The following FAHD1 variants were observed in gnomAD, a reference collection of about 807,000 sequenced individuals.
FAHD1 encodes oxaloacetate tautomerase FAHD1, mitochondrial.
A neutral mutation model predicts 12.7 loss-of-function variants in FAHD1; 14 were observed. The ratio of observed to expected loss-of-function variants is 1.10; its 90% CI spans 0.73 to 1.72. The LOEUF (loss-of-function observed/expected upper bound fraction) is 1.72. FAHD1 is among the 40% of genes most tolerant of loss of function. FAHD1 has a pLI of 0.00. For synonymous variants in FAHD1, 153 were observed against 124.9 expected, an observed-to-expected ratio of 1.22 and a Z score of -1.50; for missense variants, 351 against 298.9, an observed-to-expected ratio of 1.17 and a Z score of -1.29.
downstream of FAHD1, among the ~76,000 whole-genome samples, chr16:1,831,493 C>T (rs72762862): frequency 0.13 from 20,192 of 152,162 alleles, 1,773 homozygotes; most frequent in South Asian, 0.2. Flanking sequence ...CTTTCCATAG[C>T]TTCCTCAGGT....
chr16:1,828,130 A>G (rs923430517), exon 1 of FAHD1: 33 of 930,970 alleles, frequency 3.5e-5, no homozygotes, highest in Non-Finnish European at 4.2e-5. Context: ...AAATACAAAA[A>G]ATTAGCCGGG....
At chr16:1,836,239 A>G (rs1567271302) in intron 1 of FAHD1, among the ~76,000 whole-genome samples, 1 of 152,056 alleles carries the variant, frequency 6.6e-6, no homozygotes, top group East Asian at 1.9e-4. Context: ...ATACTGTGTT[A>G]CCTAATGCAC....
exon 1 of FAHD1, chr16:1,827,912 C>G (rs13166): frequency 0.14 from 218,311 of 1,608,596 alleles, 15,306 homozygotes; most frequent in Middle Eastern, 0.14. Flanking sequence ...TGAGTTATTT[C>G]TTAACAAGTT....
In FAHD1 at chr16:1,827,308, T is replaced by A. The variant is rs763615875; in HGVS notation, c.70T>A (p.Tyr24Asn). The A allele has an allele frequency of 2.5e-6, 4 of 1,613,246 alleles. No individual in the cohort carries two copies. In the South Asian group the frequency reaches 4.4e-5, roughly 18 times the overall value. Reference sequence around the variant, plus strand: ...GAACATCGTCTGCGTGGGGAGGAACTACGCGGACCACGTCAGGGAGATGCG... The same window carrying A: ...GAACATCGTCTGCGTGGGGAGGAACAACGCGGACCACGTCAGGGAGATGCG... Residue 24 changes from tyrosine (Y) to asparagine (N), a missense_variant, in exon 1 of 1, where the codon TAC becomes AAC. Coordinates refer to ENST00000427358, the Ensembl canonical transcript of FAHD1.
At chr16:1,828,535 G>A (rs969501535) in exon 1 of FAHD1, 5 of 1,000,112 alleles carry the variant, frequency 5.0e-6, no homozygotes, top group African/African-American at 1.7e-5. Context: ...CTTAAAAACT[G>A]CAGAGAAAAC....
downstream of FAHD1, among the ~76,000 whole-genome samples, chr16:1,830,915 T>TCTACACACACACACACACACACAC (rs1326026830): frequency 7.2e-4 from 27 of 37,564 alleles, no homozygotes; most frequent in Middle Eastern, 0.018. Context: ...TCTCTCTCTC[T>TCTACACACACACACACACACACAC]ATACACACAC....
downstream of FAHD1, among the ~76,000 whole-genome samples, chr16:1,830,212 C>G (rs11648848): frequency 0.18 from 27,106 of 152,258 alleles, 2,574 homozygotes; most frequent in South Asian, 0.27. Context: ...TTGTGACCAT[C>G]TTTTTCCTTG....
exon 3 of FAHD1, chr16:1,839,972 C>G (rs1273470718): frequency 2.6e-5 from 4 of 152,434 alleles, no homozygotes; most frequent in Non-Finnish European, 5.9e-5. Context: ...GGGTAGCACC[C>G]AGATGCTATT....
At chr16:1,833,526 A>T (rs1002586082), downstream of FAHD1, among the ~76,000 whole-genome samples, 1 of 145,950 alleles carries the variant, frequency 6.9e-6, no homozygotes, top group Admixed American at 6.8e-5. Flanking sequence ...GTCACCACCC[A>T]GCTCTCAGAA....
chr16:1,833,431 G>A (rs933420260), downstream of FAHD1, among the ~76,000 whole-genome samples: 10 of 151,918 alleles, frequency 6.6e-5, no homozygotes, highest in Non-Finnish European at 1.0e-4. Context: ...CAAAGCAGTC[G>A]CACAGGATTG....
chr16:1,832,137 C>T (rs189520847), downstream of FAHD1, among the ~76,000 whole-genome samples: 9 of 151,654 alleles, frequency 5.9e-5, no homozygotes, highest in South Asian at 1.7e-3. Context: ...ACCTTTACAC[C>T]GACACCCCAG....
chr16:1,837,729 G>C, intron 1 of FAHD1: 1 of 914,426 alleles, frequency 1.1e-6, no homozygotes, highest in South Asian at 1.8e-5. Context: ...CTTATGGTTT[G>C]AATATACAGA....
exon 1 of FAHD1, chr16:1,827,896 G>A (rs1215276476): frequency 1.9e-6 from 3 of 1,612,320 alleles, no homozygotes; most frequent in Non-Finnish European, 1.7e-6. Context: ...GGAAAAGCCA[G>A]AATATTGAGT....
At chr16:1,831,704 G>A (rs930990149), downstream of FAHD1, among the ~76,000 whole-genome samples, 8 of 152,134 alleles carry the variant, frequency 5.3e-5, no homozygotes, top group Non-Finnish European at 7.3e-5. Context: ...TGTTACAAAC[G>A]GAGCCACACA....
rs949837941 is a variant in FAHD1 at position 1,827,340 on chromosome 16, G to T, written c.102G>T (p.Ala34=). 8 of 1,613,144 alleles carry T rather than the reference G, an allele frequency of 5.0e-6. No individual in the cohort carries two copies. In the Admixed American group the frequency reaches 1.0e-4, roughly 20 times the overall value. The change falls in exon 1 of 1, where the codon GCG becomes GCT. Residue 34 remains alanine (A), a synonymous_variant. Coordinates refer to ENST00000427358, the Ensembl canonical transcript of FAHD1. ...ACCACGTCAGGGAGATGCGCAGCGC[G>T]GTGTTGAGCGAGCCCGTGCTGTTCC...
At chr16:1,830,738 C>T (rs547538537), downstream of FAHD1, among the ~76,000 whole-genome samples, 155 of 152,246 alleles carry the variant, frequency 1.0e-3, 1 homozygote, top group African/African-American at 3.7e-3. Flanking sequence ...CGTTTTTCCA[C>T]GTTTTGAATA....
chr16:1,837,270 C>T (rs1057275298), intron 1 of FAHD1, among the ~76,000 whole-genome samples: 1 of 151,982 alleles, frequency 6.6e-6, no homozygotes, highest in African/African-American at 2.4e-5. Flanking sequence ...AATCTGTCTC[C>T]CCGCAACAAC....
At chr16:1,839,408 T>C in exon 3 of FAHD1, 1 of 1,613,394 alleles carries the variant, frequency 6.2e-7, no homozygotes, top group South Asian at 1.1e-5. Flanking sequence ...ACATGTTAGA[T>C]GCTTCATTTA....
At chr16:1,835,021 A>G (rs1234159943) in intron 1 of FAHD1, among the ~76,000 whole-genome samples, 1 of 147,808 alleles carries the variant, frequency 6.8e-6, no homozygotes, top group African/African-American at 2.5e-5. Context: ...TTGGGAGGCC[A>G]AGGCAGGTAG....
Sources: allele counts gnomAD v4.1 joint callset (sites outside exome capture counted in the v4.1 genomes callset), GRCh38; gene constraint gnomAD v4.1.1; transcripts MANE v1.5; gene names NCBI Gene and HGNC (gene_info 2026-07-23, HGNC 2026-07-21).